The following PSD4 variants were observed in gnomAD, a reference collection of about 807,000 sequenced individuals.
PSD4 encodes PH and SEC7 domain-containing protein 4.
PSD4 carries 59 observed loss-of-function variants against 112.5 expected under a neutral mutation model. That is an observed-to-expected ratio of 0.52 (90% CI 0.43 to 0.65). The LOEUF is 0.65. Among genes scored for constraint, PSD4 ranks in the 30% least tolerant of loss-of-function variants. The pLI is 0.00. For missense variants in PSD4, 1,267 were observed against 1,352.6 expected (o/e 0.94, Z 0.99); for synonymous variants, 533 against 540.0 (o/e 0.99, Z 0.18).
Position 113,183,324 on chromosome 2 carries a change from C to A in PSD4, c.868C>A (p.Pro290Thr). Reference sequence around the variant, plus strand: ...TGAGAGCCCAGCGACTCTGGAGCCTCCCCTCCCAGAAGACACAGTGCTGTG... The same window carrying A: ...TGAGAGCCCAGCGACTCTGGAGCCTACCCTCCCAGAAGACACAGTGCTGTG... ...GPESPATLEP[P>T]LPEDTVLWEL... Residue 290 changes from proline to threonine, a missense_variant, in exon 2 of 17, where the codon CCC (proline) becomes ACC (threonine). Coordinates refer to ENST00000245796, the MANE Select transcript of PSD4 (RefSeq NM_012455.3). 2 of 1,606,074 alleles carry A rather than the reference C, an allele frequency of 1.2e-6. No individual in the cohort carries two copies. The highest frequency in any genetic ancestry group is 1.7e-6 in the Non-Finnish European group (2 of 1,175,510).
At chr2:113,192,249 C>G in intron 5 of PSD4, 131 bp from the exon 6 acceptor site, 1 of 861,028 alleles carries the variant, frequency 1.2e-6, no homozygotes, top group Non-Finnish European at 1.9e-6. Flanking sequence ...GTGACTCTGT[C>G]TCTTCCCTGA....
At chr2:113,186,904 T>C (rs1413196764) in intron 5 of PSD4, among the ~76,000 whole-genome samples, 1 of 152,226 alleles carries the variant, frequency 6.6e-6, no homozygotes, top group East Asian at 1.9e-4. Flanking sequence ...ATCTCCACAC[T>C]GAAAAAGGCA....
In PSD4 at chr2:113,197,848, C is replaced by T. The variant is rs1041410722; in HGVS notation, c.2559C>T (p.Tyr853=). ...CGCTGGCCACCCCCGCCACGCATTACACCAAGAAGCCGCACGTCTTCCAGC... is the reference window on the plus strand; with the variant it reads ...CGCTGGCCACCCCCGCCACGCATTATACCAAGAAGCCGCACGTCTTCCAGC... ...HHSLATPATH[Y]TKKPHVFQLR... The change falls in exon 14 of 17, where the codon TAC becomes TAT. Residue 853 remains tyrosine, a synonymous_variant. Transcript: ENST00000245796. The T allele has an allele frequency of 1.2e-6, 2 of 1,609,972 alleles. No individual in the cohort carries two copies. Among genetic ancestry groups the T allele is most frequent in the Non-Finnish European group, 1.7e-6 (2 of 1,177,310 alleles).
At chr2:113,185,543 T>TC in intron 4 of PSD4, 103 bp downstream of exon 4, 1 of 1,597,280 alleles carries the variant, frequency 6.3e-7, no homozygotes, top group Non-Finnish European at 8.5e-7. Flanking sequence ...CATTAATGGG[T>TC]CCCATTATAT....
chr2:113,184,469 G>A (rs1688235687), intron 2 of PSD4, among the ~76,000 whole-genome samples: 1 of 150,938 alleles, frequency 6.6e-6, no homozygotes, highest in African/African-American at 2.4e-5. Flanking sequence ...CACCTCCCAG[G>A]TTCAAGCGAT....
chr2:113,182,872 A>G lies in PSD4; in HGVS notation c.416A>G (p.His139Arg). ...TCACCAGGGTCACCAGTGAACAGCC[A>G]TCTACCGGGGAGCCCAAAGCAGAAC... ...TASPGSPVNSHLPGSPKQNRS... is the reference protein window; with the variant it reads ...TASPGSPVNSRLPGSPKQNRS... The change falls in exon 2 of 17, where the codon CAT (histidine) becomes CGT (arginine). Residue 139 changes from histidine to arginine, a missense_variant. Physicochemically the swap from His to Arg is conservative, Grantham distance 29. Around this residue, in one of 2 missense-constraint regions of PSD4, gnomAD observed 723 missense variants for 704.0 expected, o/e 1.03. Transcript: ENST00000245796. 3 of 1,614,176 alleles carry G rather than the reference A, an allele frequency of 1.9e-6. No homozygotes were observed. In the African/African-American group the frequency reaches 4.0e-5, roughly 22 times the overall value.
In PSD4 at chr2:113,201,143, G is replaced by A; in HGVS notation, c.2914-15G>A. 1 of 1,599,870 alleles carries A rather than the reference G, an allele frequency of 6.3e-7. No individual in the cohort carries two copies. Among genetic ancestry groups the A allele is most frequent in the Non-Finnish European group, 8.5e-7 (1 of 1,171,744 alleles). ...GCCAGGATGGTGCTAAGGTGGTGGGGCCTGTGTGTTGCAGAAAACCCGCTA... is the reference window on the plus strand; with the variant it reads ...GCCAGGATGGTGCTAAGGTGGTGGGACCTGTGTGTTGCAGAAAACCCGCTA... On this transcript the variant is annotated splice_polypyrimidine_tract_variant and intron_variant, in intron 16 of 16. Transcript: ENST00000245796.
intron 5 of PSD4, among the ~76,000 whole-genome samples, chr2:113,189,154 A>G (rs908061510): frequency 3.9e-5 from 6 of 152,162 alleles, no homozygotes; most frequent in African/African-American, 1.2e-4. Context: ...GTGAGAACAT[A>G]GGATGTTTGC....
Position 113,183,236 on chromosome 2 carries a change from T to G in PSD4, c.780T>G (p.Ser260Arg). Reference sequence around the variant, plus strand: ...TGGCGAGTCCTTGCTCAGAGAACAGTGCTTCTGGAGAGTGCTTTTCCTGGG... The same window carrying G: ...TGGCGAGTCCTTGCTCAGAGAACAGGGCTTCTGGAGAGTGCTTTTCCTGGG... ...LFLASPCSEN[S>R]ASGECFSWGA... The change falls in exon 2 of 17, where the codon AGT becomes AGG. Residue 260 changes from serine (S) to arginine (R), a missense_variant. Ser to Arg is a moderately radical substitution (Grantham distance 110). Around this residue, in one of 2 missense-constraint regions of PSD4, gnomAD observed 723 missense variants for 704.0 expected, o/e 1.03. Transcript: ENST00000245796. 2 of 1,614,184 alleles carry G rather than the reference T, an allele frequency of 1.2e-6. No homozygotes were observed. Among genetic ancestry groups the G allele is most frequent in the Non-Finnish European group, 1.7e-6 (2 of 1,180,022 alleles).
rs1361403299 is a variant in PSD4, at chr2:113,204,429, A to C, written c.*3014A>C. On this transcript the variant is annotated 3_prime_UTR_variant, in exon 17 of 17. Coordinates refer to ENST00000245796, the MANE Select transcript of PSD4 (RefSeq NM_012455.3). ...CTGAGCAGGCTCCAGTCCCCATCCT[A>C]GGTATGGAACAGATCAAACCACCAC... is the stretch of plus-strand genomic sequence containing the variant. 1 of 152,366 alleles carries C rather than the reference A, an allele frequency of 6.6e-6. No homozygotes were observed. The highest frequency in any genetic ancestry group is 1.9e-4 in the East Asian group (1 of 5,194). The allele number at this position is 152,366 out of a possible 1,614,324, so 9.4% of individuals were successfully genotyped here.
rs1452348409 is a variant in PSD4 at position 113,206,339 on chromosome 2, C to A, written c.*4924C>A. ...ACACCTTACAAATCGGCGTCCACCCCACCTTTGCCTGAAATGGCACCTCCT... is the reference window on the plus strand; with the variant it reads ...ACACCTTACAAATCGGCGTCCACCCAACCTTTGCCTGAAATGGCACCTCCT... On this transcript the variant is annotated 3_prime_UTR_variant, in exon 17 of 17. Coordinates refer to ENST00000245796, the MANE Select transcript of PSD4 (RefSeq NM_012455.3). 1 of 152,318 alleles carries A rather than the reference C, an allele frequency of 6.6e-6. No homozygotes were observed. Among genetic ancestry groups the A allele is most frequent in the Non-Finnish European group, 1.5e-5 (1 of 68,072 alleles). 9.4% of individuals were successfully genotyped at this position (152,318 alleles called of 1,614,324 possible).
chr2:113,178,953 G>A (rs552404958), intron 1 of PSD4, among the ~76,000 whole-genome samples: 2 of 152,314 alleles, frequency 1.3e-5, no homozygotes, highest in East Asian at 3.9e-4. Flanking sequence ...GATGTCCTAT[G>A]TTCTGGTACC....
rs1256111662 is a variant in PSD4 at position 113,209,308 on chromosome 2, G to A, written c.*7893G>A. On this transcript the variant is annotated 3_prime_UTR_variant, in exon 17 of 17. Coordinates refer to ENST00000245796, the MANE Select transcript of PSD4 (RefSeq NM_012455.3). ...ATTGCATTTTACTAATTTATGGCAT[G>A]CATATCATATGAGCAGTCTCAAATC... 6 of 152,140 alleles carry A rather than the reference G, an allele frequency of 3.9e-5. No homozygotes were observed. The highest frequency in any genetic ancestry group is 7.2e-5 in the African/African-American group (3 of 41,412). The allele number at this position is 152,140 out of a possible 1,614,324, so 9.4% of individuals were successfully genotyped here. A position where few individuals can be genotyped will look rare whatever the true frequency, so the allele number is the denominator to read the frequency against.
chr2:113,198,666 C>T (rs1469904816), intron 14 of PSD4, 74 bp from the exon 15 acceptor site: 2 of 1,471,998 alleles, frequency 1.4e-6, no homozygotes, highest in East Asian at 2.5e-5. Context: ...TGCAAGCAGC[C>T]ACAGGAGGGG....
chr2:113,185,333 G>A lies in PSD4; in HGVS notation c.1174-32G>A, dbSNP rs201423319. 5 of 1,613,340 alleles carry A rather than the reference G, an allele frequency of 3.1e-6. No individual in the cohort carries two copies. In the East Asian group the frequency reaches 6.7e-5, roughly 22 times the overall value. On this transcript the variant is annotated intron_variant, in intron 3 of 16. Coordinates refer to ENST00000245796, the MANE Select transcript of PSD4 (RefSeq NM_012455.3). ...CCATCCACCTCTCTGTGTATCCAGG[G>A]CTCATGGGAATGCCTTTGCCTCTCT...
intron 1 of PSD4, chr2:113,175,341 T>TTG (rs1687944159): frequency 6.7e-6 from 1 of 148,170 alleles, no homozygotes; most frequent in Non-Finnish European, 1.5e-5. Flanking sequence ...TAGCACTGTC[T>TTG]TCTCTCTCTC....
In PSD4 at chr2:113,193,358, T is replaced by A. The variant is rs1688510112; in HGVS notation, c.2020T>A (p.Phe674Ile). 3.7e-6 allele frequency: 6 copies of A among 1,605,462 alleles called. No homozygotes were observed. The highest frequency in any genetic ancestry group is 1.1e-5 in the South Asian group (1 of 90,106). ...CTTCCACCATTGCAATCCGGGGATCTTCCCCTCAGTAGGTAGGGAGGGGCT... is the reference window on the plus strand; with the variant it reads ...CTTCCACCATTGCAATCCGGGGATCATCCCCTCAGTAGGTAGGGAGGGGCT... ...RRFHHCNPGI[F>I]PSVDSVHTLT... The change falls in exon 8 of 17, where the codon TTC becomes ATC. Residue 674 changes from phenylalanine to isoleucine, a missense_variant. Phe to Ile is a conservative substitution (Grantham distance 21). Coordinates refer to ENST00000245796, the MANE Select transcript of PSD4 (RefSeq NM_012455.3).
chr2:113,196,439 C>G (rs575008121), intron 12 of PSD4, 132 bp downstream of exon 12: 2 of 1,181,270 alleles, frequency 1.7e-6, no homozygotes, highest in East Asian at 5.2e-5. Flanking sequence ...ATGTTCCTTC[C>G]TCAGTGCGTA....
intron 10 of PSD4, among the ~76,000 whole-genome samples, chr2:113,194,595 A>G (rs1195288880): frequency 6.6e-6 from 1 of 152,230 alleles, no homozygotes; most frequent in East Asian, 1.9e-4. Context: ...ACACAAACCT[A>G]GATGTACAGC....
Sources: allele counts gnomAD v4.1 joint callset (sites outside exome capture counted in the v4.1 genomes callset), GRCh38; gene constraint gnomAD v4.1.1; regional missense constraint gnomAD v4.1.1; transcripts MANE v1.5; gene names NCBI Gene and HGNC (gene_info 2026-07-23, HGNC 2026-07-21).